Variants in DNAJC1 observed in about 807,000 individuals in gnomAD.
DNAJC1 encodes the protein DnaJ heat shock protein family (Hsp40) member C1.
A neutral mutation model predicts 76.6 loss-of-function variants in DNAJC1; 58 were observed. The ratio of observed to expected loss-of-function variants is 0.76; its 90% confidence interval spans 0.61 to 0.94. The LOEUF (loss-of-function observed/expected upper bound fraction) is 0.94, where lower values mean the gene tolerates loss of function less well. DNAJC1 is among the 40% of genes least tolerant of loss of function. The pLI, the probability that DNAJC1 is intolerant of heterozygous loss-of-function variation, is 0.00. For synonymous variants in DNAJC1, 258 were observed against 267.9 expected, an observed-to-expected ratio of 0.96 and a Z score of 0.36; for missense variants, 689 against 677.3, an observed-to-expected ratio of 1.02 and a Z score of -0.19.
intron 8 of DNAJC1, among the ~76,000 whole-genome samples, chr10:21,828,591 A>T (rs899831687): frequency 6.6e-6 from 1 of 152,226 alleles, no homozygotes; most frequent in Admixed American, 6.5e-5. Flanking sequence ...AGTAGAACCA[A>T]TAACATAATA....
chr10:21,984,783 G>C (rs546275042), intron 1 of DNAJC1, among the ~76,000 whole-genome samples: 1 of 152,104 alleles, frequency 6.6e-6, no homozygotes, highest in African/African-American at 2.4e-5. Flanking sequence ...GTACACTAAA[G>C]AAATTACATT....
At chr10:21,918,753 T>G in intron 6 of DNAJC1, 26 bp downstream of exon 6, 1 of 1,516,288 alleles carries the variant, frequency 6.6e-7, no homozygotes, top group Non-Finnish European at 9.2e-7. Flanking sequence ...AAAGATCTAA[T>G]GTTATATAAA....
Position 21,768,481 on chromosome 10 carries a change from T to TA in DNAJC1, c.1099-2173dup, listed in dbSNP as rs766209973. Among the ~76,000 whole-genome samples the TA allele has an allele frequency of 2.6e-5, 4 of 152,354 alleles. No homozygotes were observed. In the East Asian group the frequency reaches 7.7e-4, roughly 29 times the overall value. ...ACCCTCTGTAATGTGTGGATACCAC[T>TA]ACCATTTGCCTCTTACGGATGTTTT... On this transcript the variant is annotated intron_variant, in intron 9 of 11. Transcript: ENST00000376980.
At chr10:21,779,379 T>A (rs1049026004) in intron 9 of DNAJC1, among the ~76,000 whole-genome samples, 1 of 152,118 alleles carries the variant, frequency 6.6e-6, no homozygotes, top group Non-Finnish European at 1.5e-5. Context: ...CACGGCCACA[T>A]ACCCCTCTGA....
chr10:21,839,013 A>C (rs1241109099), intron 8 of DNAJC1, among the ~76,000 whole-genome samples: 1 of 152,212 alleles, frequency 6.6e-6, no homozygotes, highest in Non-Finnish European at 1.5e-5. Context: ...GGGTAAATAA[A>C]GAAAGGAAGG....
intron 1 of DNAJC1, among the ~76,000 whole-genome samples, chr10:22,000,607 T>C (rs1468411270): frequency 6.6e-6 from 1 of 152,266 alleles, no homozygotes; most frequent in East Asian, 1.9e-4. Context: ...TCTACCATGC[T>C]ATGGTCTGAA....
At chr10:21,821,010 T>C (rs946723953) in intron 8 of DNAJC1, among the ~76,000 whole-genome samples, 32 of 152,020 alleles carry the variant, frequency 2.1e-4, no homozygotes, top group African/African-American at 7.2e-4. Flanking sequence ...AGATTGACAA[T>C]CATGCAAAAA....
At chr10:21,911,644 C>A (rs993700449) in intron 6 of DNAJC1, among the ~76,000 whole-genome samples, 3 of 152,244 alleles carry the variant, frequency 2.0e-5, no homozygotes, top group Non-Finnish European at 2.9e-5. Context: ...ACTGTAGAAG[C>A]CATTTATTCA....
At chr10:21,837,206 C>T (rs1835476224) in intron 8 of DNAJC1, among the ~76,000 whole-genome samples, 1 of 152,246 alleles carries the variant, frequency 6.6e-6, no homozygotes, top group African/African-American at 2.4e-5. Flanking sequence ...GTCTCGTTCA[C>T]TCAGTGCTCA....
intron 9 of DNAJC1, among the ~76,000 whole-genome samples, chr10:21,790,010 TAAAAAAAAA>T (rs35639440): frequency 1.0e-3 from 43 of 41,096 alleles, no homozygotes; most frequent in East Asian, 8.7e-4. Context: ...GCTCTGTCTT[TAAAAAAAAA>T]AAAAAAAAAA....
At chr10:21,804,875 A>G (rs1040040988) in intron 9 of DNAJC1, among the ~76,000 whole-genome samples, 2 of 152,160 alleles carry the variant, frequency 1.3e-5, no homozygotes, top group African/African-American at 4.8e-5. Context: ...AAAACTTGAC[A>G]GTACAGGTCA....
At chr10:21,958,154 A>T (rs1195095773) in intron 1 of DNAJC1, among the ~76,000 whole-genome samples, 2 of 152,172 alleles carry the variant, frequency 1.3e-5, no homozygotes, top group East Asian at 3.8e-4. Context: ...CTAAAACTAT[A>T]ATGGAGTTAA....
intron 8 of DNAJC1, among the ~76,000 whole-genome samples, chr10:21,826,898 T>C (rs1378329458): frequency 3.3e-5 from 5 of 152,164 alleles, no homozygotes; most frequent in Non-Finnish European, 5.9e-5. Flanking sequence ...ATTTTGAGTA[T>C]TGTAGCTTTG....
intron 1 of DNAJC1, among the ~76,000 whole-genome samples, chr10:21,950,284 A>G (rs959639910): frequency 6.6e-6 from 1 of 152,118 alleles, no homozygotes; most frequent in Admixed American, 6.5e-5. Context: ...CATTTTCATT[A>G]TTATTACCTC....
intron 8 of DNAJC1, among the ~76,000 whole-genome samples, chr10:21,830,011 C>T (rs370860560): frequency 2.2e-4 from 33 of 152,068 alleles, no homozygotes; most frequent in Admixed American, 1.2e-3. Context: ...CATATCTATC[C>T]CCCTCCCATT....
In DNAJC1 at chr10:21,860,694, A is replaced by AAAACAAAC. The variant is rs143159403; in HGVS notation, c.978+21580_978+21587dup. On this transcript the variant is annotated intron_variant, in intron 8 of 11. Coordinates refer to ENST00000376980, the MANE Select transcript of DNAJC1 (RefSeq NM_022365.4). The stretch of plus-strand genomic sequence containing the variant: ...GGGAGACATTGTGAGACTCTGTCTC[A>AAAACAAAC]AAACAAACAAACAAACAAACAAACA... 14 of 159,542 alleles carry AAAACAAAC rather than the reference A, an allele frequency of 8.8e-5. 1 individual carries two copies. The highest frequency in any genetic ancestry group is 1.9e-4 in the Admixed American group (3 of 15,952). 9.9% of individuals were successfully genotyped at this position (159,542 alleles called of 1,614,324 possible).
At chr10:21,974,100 C>CA (rs576578440) in intron 1 of DNAJC1, among the ~76,000 whole-genome samples, 1,451 of 74,108 alleles carry the variant, frequency 0.02, 13 homozygotes, top group Admixed American at 0.057. Flanking sequence ...AGACCCGTCT[C>CA]AAAAAAAAAA....
chr10:21,904,604 C>T lies in DNAJC1; in HGVS notation c.738G>A (p.Gly246=), dbSNP rs745872865. The T allele has an allele frequency of 3.1e-5, 50 of 1,596,252 alleles. No individual in the cohort carries two copies. The highest frequency in any genetic ancestry group is 2.2e-4 in the South Asian group (19 of 87,192). The stretch of plus-strand genomic sequence containing the variant: ...TTTCTTTATATTTAGCATAAAACTG[C>T]CCAGCATCCTTAAGAAAAAAAGTTA... ...KALPHLIQDA[G]QFYAKYKETR... is the part of the protein sequence containing the mutation. Residue 246 remains glycine (G), a synonymous_variant, in exon 7 of 12, where the codon GGG becomes GGA. Transcript: ENST00000376980.
intron 8 of DNAJC1, among the ~76,000 whole-genome samples, chr10:21,847,754 C>A (rs1160199352): frequency 6.6e-6 from 1 of 152,076 alleles, no homozygotes; most frequent in African/African-American, 2.4e-5. Flanking sequence ...TATGTTGCTG[C>A]TACTAACAGA....
Sources: allele counts gnomAD v4.1 joint callset (sites outside exome capture counted in the v4.1 genomes callset), GRCh38; gene constraint gnomAD v4.1.1; transcripts MANE v1.5; gene names NCBI Gene and HGNC (gene_info 2026-07-23, HGNC 2026-07-21).